The following CNTN5 variants were observed in gnomAD, a reference collection of about 807,000 sequenced individuals.
CNTN5 encodes contactin 5, also known as contactin-5.
In CNTN5, 77 loss-of-function variants were observed where a neutral mutation model predicts 129.1. The observed-to-expected ratio is 0.60, with a 90% confidence interval of 0.50 to 0.72. CNTN5 has a LOEUF of 0.72. CNTN5 is among the 30% of genes least tolerant of loss of function. The pLI is 0.00. For synonymous variants in CNTN5, 509 were observed against 465.6 expected, an observed-to-expected ratio of 1.09 and a Z score of -1.20; for missense variants, 1,478 against 1,328.8, an observed-to-expected ratio of 1.11 and a Z score of -1.75.
At chr11:99,901,939 A>G (rs1949368798) in intron 6 of CNTN5, among the ~76,000 whole-genome samples, 1 of 152,148 alleles carries the variant, frequency 6.6e-6, no homozygotes, top group Non-Finnish European at 1.5e-5. Flanking sequence ...AATCATTTTG[A>G]GGTAGGTATT....
At chr11:99,066,528 G>A (rs1348633063) in intron 1 of CNTN5, among the ~76,000 whole-genome samples, 1 of 152,104 alleles carries the variant, frequency 6.6e-6, no homozygotes, top group African/African-American at 2.4e-5. Context: ...TGTGGAAATT[G>A]TCCATCCTTT....
At chr11:99,100,283 A>C (rs968473198) in intron 1 of CNTN5, among the ~76,000 whole-genome samples, 1 of 152,096 alleles carries the variant, frequency 6.6e-6, no homozygotes, top group East Asian at 1.9e-4. Context: ...AAAACAATAG[A>C]TAAGAAATAA....
chr11:99,757,812 G>C (rs995154874), intron 3 of CNTN5, among the ~76,000 whole-genome samples: 6 of 151,962 alleles, frequency 3.9e-5, no homozygotes, highest in African/African-American at 1.4e-4. Flanking sequence ...TTATATATTA[G>C]TTCCTTTATA....
chr11:99,340,108 T>A (rs1036878998), intron 2 of CNTN5, among the ~76,000 whole-genome samples: 4 of 152,196 alleles, frequency 2.6e-5, no homozygotes, highest in Admixed American at 6.5e-5. Context: ...AGTATTTTGT[T>A]CCTTAGGAAC....
At chr11:99,328,239 C>A (rs970390556) in intron 2 of CNTN5, among the ~76,000 whole-genome samples, 1 of 151,994 alleles carries the variant, frequency 6.6e-6, no homozygotes, top group East Asian at 1.9e-4. Context: ...CCAGAATTGA[C>A]AAAATAATGA....
chr11:100,138,277 A>G (rs918624673), intron 13 of CNTN5, among the ~76,000 whole-genome samples: 1 of 151,960 alleles, frequency 6.6e-6, no homozygotes, highest in African/African-American at 2.4e-5. Flanking sequence ...GATACCAAAC[A>G]TTTTTGAGTT....
At chr11:99,765,784 A>G (rs1298268120) in intron 3 of CNTN5, among the ~76,000 whole-genome samples, 1 of 151,824 alleles carries the variant, frequency 6.6e-6, no homozygotes, top group East Asian at 1.9e-4. Context: ...CTAGAAGGGT[A>G]CACAAAAGGA....
chr11:99,359,590 GA>G (rs1225262422), intron 2 of CNTN5, among the ~76,000 whole-genome samples: 4 of 148,664 alleles, frequency 2.7e-5, no homozygotes, highest in Non-Finnish European at 4.5e-5. Flanking sequence ...TATTATATAT[GA>G]AAAAATATAT....
chr11:99,369,884 T>A (rs1280403397), intron 2 of CNTN5, among the ~76,000 whole-genome samples: 3 of 151,474 alleles, frequency 2.0e-5, no homozygotes, highest in Admixed American at 6.6e-5. Context: ...CTAGCTAATT[T>A]AAAAAAAAAT....
intron 7 of CNTN5, among the ~76,000 whole-genome samples, chr11:99,951,702 A>G (rs901252895): frequency 1.3e-5 from 2 of 152,116 alleles, no homozygotes; most frequent in African/African-American, 2.4e-5. Context: ...CATTCACAGT[A>G]CATTCCAGAT....
chr11:99,286,264 G>A (rs1227076635), intron 1 of CNTN5, among the ~76,000 whole-genome samples: 3 of 152,034 alleles, frequency 2.0e-5, no homozygotes, highest in African/African-American at 7.2e-5. Flanking sequence ...ACTTTGTCCT[G>A]CACTCAACCT....
chr11:99,962,940 G>T (rs1460606880), intron 8 of CNTN5, among the ~76,000 whole-genome samples: 1 of 150,474 alleles, frequency 6.6e-6, no homozygotes, highest in Non-Finnish European at 1.5e-5. Context: ...GTGTTTTTTG[G>T]CTGTATAAAT....
chr11:99,475,759 A>C (rs960197354), intron 2 of CNTN5, among the ~76,000 whole-genome samples: 1 of 152,086 alleles, frequency 6.6e-6, no homozygotes, highest in Non-Finnish European at 1.5e-5. Context: ...TTTTAAAATA[A>C]TAAATGGAAG....
At chr11:99,037,235 G>A (rs1863780151) in intron 1 of CNTN5, among the ~76,000 whole-genome samples, 1 of 152,092 alleles carries the variant, frequency 6.6e-6, no homozygotes, top group Admixed American at 6.5e-5. Flanking sequence ...TCACCAGACT[G>A]GTTTCTCTCC....
At chr11:99,057,735 A>G (rs890788843) in intron 1 of CNTN5, among the ~76,000 whole-genome samples, 3 of 151,684 alleles carry the variant, frequency 2.0e-5, no homozygotes, top group East Asian at 3.9e-4. Flanking sequence ...CTTATATCCT[A>G]GTAGGGCTGT....
intron 2 of CNTN5, among the ~76,000 whole-genome samples, chr11:99,403,885 A>T (rs35329392): frequency 0.75 from 113,315 of 152,012 alleles, 43,104 homozygotes; most frequent in African/African-American, 0.9. Context: ...GTCTATAGTC[A>T]AGATTAAGTC....
chr11:99,691,445 G>A (rs1389205269), intron 3 of CNTN5, among the ~76,000 whole-genome samples: 1 of 151,932 alleles, frequency 6.6e-6, no homozygotes, highest in Non-Finnish European at 1.5e-5. Flanking sequence ...CTGATGCATT[G>A]TATCTTTGTT....
chr11:100,302,005 T>C (rs1951232315), intron 20 of CNTN5, among the ~76,000 whole-genome samples: 1 of 151,574 alleles, frequency 6.6e-6, no homozygotes, highest in South Asian at 2.1e-4. Context: ...ATGGCTTCAC[T>C]ACATTGCAAA....
At chr11:99,638,738 A>C (rs905150304) in intron 3 of CNTN5, among the ~76,000 whole-genome samples, 4 of 152,190 alleles carry the variant, frequency 2.6e-5, no homozygotes, top group Non-Finnish European at 4.4e-5. Context: ...TCTCATACCC[A>C]GGTTACACTG....
Sources: gnomAD v4.1 joint callset for allele counts (sites outside exome capture counted in the v4.1 genomes callset) on GRCh38, gnomAD v4.1.1 for gene constraint, MANE v1.5 for transcripts, NCBI Gene and HGNC (gene_info 2026-07-23, HGNC 2026-07-21) for gene names.